Variants in ATXN1 observed in about 807,000 individuals in gnomAD.
ATXN1 encodes the protein ataxin-1.
A neutral mutation model predicts 56.4 loss-of-function variants in ATXN1; 8 were observed. That is an observed-to-expected ratio of 0.14 (90% CI 0.08 to 0.26). The LOEUF is 0.26. ATXN1 is among the 10% of genes least tolerant of loss of function. The probability of loss-of-function intolerance (pLI) is 1.00; values close to 1 mark genes in which losing one functional copy is unlikely to be tolerated. For synonymous variants in ATXN1, 514 were observed against 494.6 expected (o/e 1.04, Z -0.52); for missense variants, 987 against 1,106.5 (o/e 0.89, Z 1.53).
At chr6:16,744,871 C>A (rs1760472073) in intron 2 of ATXN1, among the ~76,000 whole-genome samples, 1 of 152,106 alleles carries the variant, frequency 6.6e-6, no homozygotes, top group Admixed American at 6.5e-5. Context: ...CGTTGTACAA[C>A]AAAAAGCATC....
chr6:16,708,433 G>A (rs1759451556), intron 2 of ATXN1, among the ~76,000 whole-genome samples: 1 of 152,060 alleles, frequency 6.6e-6, no homozygotes, highest in Non-Finnish European at 1.5e-5. Context: ...AATTCCCAGA[G>A]GAAATAAAAT....
intron 2 of ATXN1, among the ~76,000 whole-genome samples, chr6:16,708,117 A>G (rs939466587): frequency 4.6e-5 from 7 of 152,156 alleles, no homozygotes; most frequent in Non-Finnish European, 1.0e-4. Flanking sequence ...AGATTTTTAA[A>G]AAAGAAAATA....
chr6:16,434,292 TTTCC>T (rs1759345965), intron 6 of ATXN1, among the ~76,000 whole-genome samples: 1 of 152,196 alleles, frequency 6.6e-6, no homozygotes, highest in African/African-American at 2.4e-5. Flanking sequence ...AATCAACCCC[TTTCC>T]TTCTTCACTG....
At chr6:16,556,403 A>G (rs2113733753) in intron 4 of ATXN1, among the ~76,000 whole-genome samples, 1 of 152,336 alleles carries the variant, frequency 6.6e-6, no homozygotes, top group Non-Finnish European at 1.5e-5. Context: ...TTCGTTGGCA[A>G]AAGAAAAATA....
intron 3 of ATXN1, among the ~76,000 whole-genome samples, chr6:16,595,366 C>T (rs1762795926): frequency 6.6e-6 from 1 of 152,188 alleles, no homozygotes; most frequent in Non-Finnish European, 1.5e-5. Context: ...CGAATCGGCC[C>T]GTTCTTCATC....
intron 2 of ATXN1, among the ~76,000 whole-genome samples, chr6:16,715,676 T>C (rs2113461747): frequency 6.6e-6 from 1 of 152,336 alleles, no homozygotes. Flanking sequence ...CTACAGACCA[T>C]GCTTTGTGTT....
intron 6 of ATXN1, among the ~76,000 whole-genome samples, chr6:16,382,595 A>T (rs906790388): frequency 6.6e-6 from 1 of 152,196 alleles, no homozygotes; most frequent in Non-Finnish European, 1.5e-5. Context: ...CTATTTTTTT[A>T]AATCCAAAAT....
intron 2 of ATXN1, among the ~76,000 whole-genome samples, chr6:16,728,383 T>C (rs1472693322): frequency 6.6e-6 from 1 of 151,914 alleles, no homozygotes; most frequent in Non-Finnish European, 1.5e-5. Flanking sequence ...TGAGGACAGG[T>C]AAAGGCAGAG....
At chr6:16,604,664 C>A in intron 3 of ATXN1, among the ~76,000 whole-genome samples, 1 of 149,304 alleles carries the variant, frequency 6.7e-6, no homozygotes, top group South Asian at 2.1e-4. Flanking sequence ...GAGCTCACTG[C>A]AGCCTCAGCC....
rs1306673818 is a variant in ATXN1, at chr6:16,299,668, G to A, written c.*6661C>T. On this transcript the variant is annotated 3_prime_UTR_variant, in exon 8 of 8. Transcript: ENST00000436367. Reference sequence around the variant, plus strand: ...CTGATATTAAAACATCCAGTAGTACGAGTCTCAGAGATGGCTCTGGAGCCA... The same window carrying A: ...CTGATATTAAAACATCCAGTAGTACAAGTCTCAGAGATGGCTCTGGAGCCA... 1.3e-5 allele frequency: 2 copies of A among 152,578 alleles called. No individual in the cohort carries two copies. The highest frequency in any genetic ancestry group is 2.9e-5 in the Non-Finnish European group (2 of 68,052). The allele number at this position is 152,578 out of a possible 1,614,324, so 9.5% of individuals were successfully genotyped here.
At chr6:16,681,588 A>G (rs1007284190) in intron 2 of ATXN1, among the ~76,000 whole-genome samples, 1 of 152,234 alleles carries the variant, frequency 6.6e-6, no homozygotes, top group Non-Finnish European at 1.5e-5. Context: ...TCAATACATC[A>G]AAGACGCTGC....
At chr6:16,532,618 T>G (rs1416182258) in intron 4 of ATXN1, among the ~76,000 whole-genome samples, 1 of 152,022 alleles carries the variant, frequency 6.6e-6, no homozygotes, top group Non-Finnish European at 1.5e-5. Context: ...GAAAAGACAC[T>G]CAACATCACT....
At chr6:16,568,652 A>C (rs1306047845) in intron 4 of ATXN1, among the ~76,000 whole-genome samples, 1 of 121,746 alleles carries the variant, frequency 8.2e-6, no homozygotes, top group South Asian at 3.7e-4. Context: ...CGGTACCTGG[A>C]AACAACCAAA....
At chr6:16,433,470 G>T (rs1759327987) in intron 6 of ATXN1, among the ~76,000 whole-genome samples, 1 of 152,116 alleles carries the variant, frequency 6.6e-6, no homozygotes, top group Non-Finnish European at 1.5e-5. Flanking sequence ...TTTTAGAGGT[G>T]GGCAAAAAAC....
At chr6:16,313,492 C>T (rs913603425) in intron 7 of ATXN1, among the ~76,000 whole-genome samples, 3 of 151,910 alleles carry the variant, frequency 2.0e-5, no homozygotes, top group Non-Finnish European at 4.4e-5. Flanking sequence ...GAAAAATTCA[C>T]GAGAGAAAAG....
intron 2 of ATXN1, among the ~76,000 whole-genome samples, chr6:16,731,289 G>A (rs73725224): frequency 0.019 from 2,914 of 151,936 alleles, 90 homozygotes; most frequent in African/African-American, 0.066. Flanking sequence ...ACAGAGCCAG[G>A]GAAGAATGAA....
intron 6 of ATXN1, among the ~76,000 whole-genome samples, chr6:16,437,251 C>T (rs868093465): frequency 3.4e-4 from 52 of 152,204 alleles, no homozygotes; most frequent in African/African-American, 6.0e-4. Flanking sequence ...TGCTACTTTC[C>T]GCTACTTTCC....
At chr6:16,611,482 T>C (rs1379842593) in intron 3 of ATXN1, among the ~76,000 whole-genome samples, 1 of 152,216 alleles carries the variant, frequency 6.6e-6, no homozygotes, top group Non-Finnish European at 1.5e-5. Context: ...AGACAGGTAT[T>C]AATTCGTTTT....
chr6:16,372,508 T>C (rs1762060889), intron 6 of ATXN1, among the ~76,000 whole-genome samples: 1 of 152,210 alleles, frequency 6.6e-6, no homozygotes, highest in Admixed American at 6.5e-5. Context: ...TTGGATAAAA[T>C]GGATTCCATT....
Sources: allele counts gnomAD v4.1 joint callset (sites outside exome capture counted in the v4.1 genomes callset), GRCh38; gene constraint gnomAD v4.1.1; transcripts MANE v1.5; gene names NCBI Gene and HGNC (gene_info 2026-07-23, HGNC 2026-07-21).